The following RAD51B variants were observed in gnomAD, a reference collection of about 807,000 sequenced individuals.
RAD51B encodes DNA repair protein RAD51 homolog 2.
A neutral mutation model predicts 42.2 loss-of-function variants in RAD51B; 38 were observed. The ratio of observed to expected loss-of-function variants is 0.90; its 90% CI spans 0.70 to 1.18. RAD51B has a LOEUF of 1.18. Ranked by LOEUF, RAD51B falls within the 50% of genes most tolerant of loss-of-function variation. The pLI, the probability that RAD51B is intolerant of heterozygous loss-of-function variation, is 0.00. For synonymous variants in RAD51B, 154 were observed against 145.2 expected, an observed-to-expected ratio of 1.06 and a Z score of -0.43; for missense variants, 373 against 400.7, an observed-to-expected ratio of 0.93 and a Z score of 0.59.
At chr14:68,413,681 G>C (rs2084476197) in intron 9 of RAD51B, among the ~76,000 whole-genome samples, 1 of 152,174 alleles carries the variant, frequency 6.6e-6, no homozygotes, top group African/African-American at 2.4e-5. Flanking sequence ...CAGAGGGTGT[G>C]CTTAGTGATT....
intron 7 of RAD51B, among the ~76,000 whole-genome samples, chr14:68,227,780 C>T (rs2080068646): frequency 6.6e-6 from 1 of 152,172 alleles, no homozygotes; most frequent in Non-Finnish European, 1.5e-5. Flanking sequence ...AATCCCTGCT[C>T]TAATGTATAA....
At chr14:68,657,211 G>C (rs1417705980) in intron 11 of RAD51B, among the ~76,000 whole-genome samples, 1 of 150,162 alleles carries the variant, frequency 6.7e-6, no homozygotes, top group Non-Finnish European at 1.5e-5. Context: ...GACATTGTAG[G>C]TCTCGCGGTG....
intron 7 of RAD51B, among the ~76,000 whole-genome samples, chr14:68,214,651 G>A (rs967418840): frequency 6.6e-6 from 1 of 152,212 alleles, no homozygotes; most frequent in African/African-American, 2.4e-5. Flanking sequence ...TCTGGAGGTG[G>A]CTTTGTTCCA....
intron 4 of RAD51B, among the ~76,000 whole-genome samples, chr14:67,839,383 A>G (rs564995306): frequency 1.3e-5 from 2 of 151,950 alleles, no homozygotes; most frequent in Non-Finnish European, 2.9e-5. Flanking sequence ...CAGATTTTCT[A>G]TTTCTTCTTG....
At chr14:68,109,447 C>G (rs1156874712) in intron 7 of RAD51B, among the ~76,000 whole-genome samples, 2 of 151,930 alleles carry the variant, frequency 1.3e-5, no homozygotes, top group African/African-American at 4.8e-5. Flanking sequence ...CTACCCAAAG[C>G]ATTATGTAAC....
intron 10 of RAD51B, among the ~76,000 whole-genome samples, chr14:68,542,827 C>T (rs1377510417): frequency 1.3e-5 from 2 of 152,220 alleles, no homozygotes; most frequent in Non-Finnish European, 2.9e-5. Flanking sequence ...TTAGCCTTGA[C>T]TTACAGGGTC....
At chr14:68,430,107 A>G (rs2084962104) in intron 9 of RAD51B, among the ~76,000 whole-genome samples, 1 of 152,040 alleles carries the variant, frequency 6.6e-6, no homozygotes, top group Non-Finnish European at 1.5e-5. Flanking sequence ...ATTGGTCTAT[A>G]TCTCTGTTTT....
At chr14:67,933,354 C>T (rs934142731) in intron 7 of RAD51B, among the ~76,000 whole-genome samples, 1 of 152,162 alleles carries the variant, frequency 6.6e-6, no homozygotes, top group African/African-American at 2.4e-5. Context: ...GATATGGGGC[C>T]TCTGATTTCC....
intron 7 of RAD51B, among the ~76,000 whole-genome samples, chr14:68,034,203 C>T (rs1049124923): frequency 6.6e-6 from 1 of 151,588 alleles, no homozygotes; most frequent in Non-Finnish European, 1.5e-5. Flanking sequence ...CAGGATTTGT[C>T]AGAGTTCTTA....
At chr14:68,462,403 A>G (rs945263473) in intron 9 of RAD51B, among the ~76,000 whole-genome samples, 1 of 152,216 alleles carries the variant, frequency 6.6e-6, no homozygotes, top group Non-Finnish European at 1.5e-5. Flanking sequence ...CAAAGAAAAG[A>G]GCCCAGTAAA....
chr14:67,903,879 T>C (rs1399691655), intron 7 of RAD51B, among the ~76,000 whole-genome samples: 2 of 152,138 alleles, frequency 1.3e-5, no homozygotes, highest in African/African-American at 2.4e-5. Context: ...ACCCAGTAGG[T>C]AGTTTTTCAG....
intron 8 of RAD51B, among the ~76,000 whole-genome samples, chr14:68,321,950 T>G (rs760739562): frequency 6.3e-4 from 96 of 152,142 alleles, no homozygotes; most frequent in Non-Finnish European, 1.0e-3. Flanking sequence ...ATTTTTGTAT[T>G]TTTGGTAGAG....
chr14:67,990,116 G>A (rs2075269964), intron 7 of RAD51B, among the ~76,000 whole-genome samples: 1 of 149,694 alleles, frequency 6.7e-6, no homozygotes, highest in Non-Finnish European at 1.5e-5. Context: ...TCCTGCCTCA[G>A]CCTCCCAAGT....
intron 7 of RAD51B, among the ~76,000 whole-genome samples, chr14:68,257,281 T>C (rs1043922748): frequency 3.1e-4 from 47 of 152,176 alleles, no homozygotes; most frequent in Non-Finnish European, 4.4e-5. Context: ...ATGGTAATAG[T>C]TATGTAATGT....
chr14:68,246,025 C>A (rs1350951573), intron 7 of RAD51B, among the ~76,000 whole-genome samples: 2 of 152,116 alleles, frequency 1.3e-5, no homozygotes, highest in African/African-American at 4.8e-5. Flanking sequence ...GACAAGGCCC[C>A]TCCTTTTAAA....
intron 7 of RAD51B, among the ~76,000 whole-genome samples, chr14:68,123,073 T>C (rs1427528761): frequency 6.6e-6 from 1 of 152,248 alleles, no homozygotes; most frequent in African/African-American, 2.4e-5. Flanking sequence ...AAAGAGACTT[T>C]CTTTTCAGTG....
At chr14:67,923,392 C>T (rs1483004147) in intron 7 of RAD51B, among the ~76,000 whole-genome samples, 6 of 150,890 alleles carry the variant, frequency 4.0e-5, no homozygotes, top group East Asian at 2.0e-4. Context: ...CTCTGCCTCC[C>T]GGGTTCAAGG....
At chr14:68,676,490 T>C (rs1475480194) in intron 11 of RAD51B, among the ~76,000 whole-genome samples, 3 of 152,324 alleles carry the variant, frequency 2.0e-5, no homozygotes, top group East Asian at 1.9e-4. Context: ...GTTTAGAGTG[T>C]CTGTGGCTCC....
At chr14:67,941,110 A>G (rs1240663629) in intron 7 of RAD51B, among the ~76,000 whole-genome samples, 4 of 152,236 alleles carry the variant, frequency 2.6e-5, no homozygotes, top group Non-Finnish European at 5.9e-5. Context: ...GTAGGAGGGA[A>G]GTATTTTTGC....
Sources: gnomAD v4.1 joint callset for allele counts (sites outside exome capture counted in the v4.1 genomes callset) on GRCh38, gnomAD v4.1.1 for gene constraint, MANE v1.5 for transcripts, NCBI Gene and HGNC (gene_info 2026-07-23, HGNC 2026-07-21) for gene names.